Variants in TMEM41B observed in about 807,000 individuals in gnomAD.
TMEM41B encodes the protein transmembrane protein 41B, also known as protein stasimon.
Under a neutral mutation model 31.9 loss-of-function variants are expected in TMEM41B, and 18 were observed. That is an observed-to-expected ratio of 0.56 (90% CI 0.39 to 0.84). TMEM41B has a LOEUF of 0.84. Among genes scored for constraint, TMEM41B ranks in the 40% least tolerant of loss-of-function variants. The probability of loss-of-function intolerance (pLI) is 0.00; values close to 1 mark genes in which losing one functional copy is unlikely to be tolerated. For missense variants in TMEM41B, 322 were observed against 348.0 expected (o/e 0.93, Z 0.59); for synonymous variants, 144 against 124.3 (o/e 1.16, Z -1.05).
At chr11:9,286,333 G>T in intron 6 of TMEM41B, 122 bp downstream of exon 6, 1 of 1,007,882 alleles carries the variant, frequency 9.9e-7, no homozygotes, top group Non-Finnish European at 1.4e-6. Flanking sequence ...CAGGCTTTGT[G>T]CCCAAGAATT....
At position 9,287,820 on chromosome 11, in the gene TMEM41B, G is replaced by T. The variant is rs768327342; in HGVS notation, c.463-14C>A. 1.3e-6 allele frequency: 2 copies of T among 1,573,504 alleles called. No homozygotes were observed. ...AAGTCCAGAACACTGGAAAACAAAA[G>T]AAGCCATAAGCGTTTTGTATTTTTC... On this transcript the variant is annotated splice_polypyrimidine_tract_variant and intron_variant, in intron 4 of 6. Transcript: ENST00000528080.
chr11:9,288,616 T>C (rs1184340427), intron 3 of TMEM41B, 81 bp from the exon 4 acceptor site: 3 of 1,040,570 alleles, frequency 2.9e-6, no homozygotes, highest in Non-Finnish European at 4.1e-6. Context: ...GAAAAAAGTA[T>C]AAATACAAAA....
At position 9,283,536 on chromosome 11, in the gene TMEM41B, G is replaced by A; in HGVS notation, c.764C>T (p.Thr255Ile). Residue 255 changes from threonine (T) to isoleucine (I), a missense_variant, in exon 7 of 7, where the codon ACA becomes ATA. Around this residue, in one of 3 missense-constraint regions of TMEM41B, gnomAD observed 92 missense variants for 88.0 expected, o/e 1.05. Coordinates refer to ENST00000528080, the MANE Select transcript of TMEM41B (RefSeq NM_015012.4). ...IKAGTTLYQLTTAGEAVSWNS... is the reference protein window; with the variant it reads ...IKAGTTLYQLITAGEAVSWNS... ...CCAGGAAACAGCTTCTCCTGCTGTTGTAAGTTGATACAGTGTTGTTCCTGC... is the reference window on the plus strand; with the variant it reads ...CCAGGAAACAGCTTCTCCTGCTGTTATAAGTTGATACAGTGTTGTTCCTGC... 6.2e-7 allele frequency: 1 copy of A among 1,613,476 alleles called. No homozygotes were observed.
intron 4 of TMEM41B, 21 bp from the exon 5 acceptor site, chr11:9,287,827 T>G (rs185975690): frequency 6.4e-7 from 1 of 1,561,326 alleles, no homozygotes; most frequent in Non-Finnish European, 8.8e-7. Context: ...AAAGAAGCCA[T>G]AAGCGTTTTG....
chr11:9,304,007 T>C (rs565818428), intron 1 of TMEM41B, among the ~76,000 whole-genome samples: 7 of 152,180 alleles, frequency 4.6e-5, no homozygotes, highest in Non-Finnish European at 1.0e-4. Context: ...TTATATTTCA[T>C]CTTAATCTCA....
intron 1 of TMEM41B, among the ~76,000 whole-genome samples, chr11:9,309,738 T>C (rs537594155): frequency 1.3e-5 from 2 of 150,940 alleles, no homozygotes; most frequent in Non-Finnish European, 2.9e-5. Context: ...CTGGCTAACA[T>C]GGTGAAACCC....
At chr11:9,310,905 A>G (rs1279855767) in intron 1 of TMEM41B, among the ~76,000 whole-genome samples, 2 of 152,200 alleles carry the variant, frequency 1.3e-5, no homozygotes, top group African/African-American at 4.8e-5. Context: ...ACATTACAAA[A>G]AAGATAGAGG....
chr11:9,308,811 T>A (rs1052716407), intron 1 of TMEM41B, among the ~76,000 whole-genome samples: 7 of 152,190 alleles, frequency 4.6e-5, no homozygotes, highest in African/African-American at 1.7e-4. Flanking sequence ...TGAGGCAATC[T>A]AATCAGTGAA....
chr11:9,288,462 C>A lies in TMEM41B; in HGVS notation c.442G>T (p.Ala148Ser). The part of the protein sequence containing the change: ...LSGFLYPFPL[A>S]LFLVCLCSGL... Reference sequence around the variant, plus strand: ...CTTACCAAACAAACAAGAAATAAGGCTAGTGGAAAGGGATAAAGAAACCCT... The same window carrying A: ...CTTACCAAACAAACAAGAAATAAGGATAGTGGAAAGGGATAAAGAAACCCT... The change falls in exon 4 of 7, where the codon GCC becomes TCC. Residue 148 changes from alanine (A) to serine (S), a missense_variant. By Grantham distance (99) the Ala-to-Ser change is moderately conservative. Transcript: ENST00000528080. 1 of 1,585,800 alleles carries A rather than the reference C, an allele frequency of 6.3e-7. No individual in the cohort carries two copies. The highest frequency in any genetic ancestry group is 8.5e-7 in the Non-Finnish European group (1 of 1,170,446).
chr11:9,283,854 G>C (rs568484874), intron 6 of TMEM41B, among the ~76,000 whole-genome samples: 1 of 150,556 alleles, frequency 6.6e-6, no homozygotes, highest in African/African-American at 2.4e-5. Context: ...GCGCGATCTT[G>C]GCTCACTGCA....
At chr11:9,293,961 T>C (rs1853016859) in intron 3 of TMEM41B, among the ~76,000 whole-genome samples, 1 of 151,890 alleles carries the variant, frequency 6.6e-6, no homozygotes, top group Non-Finnish European at 1.5e-5. Context: ...TCCCAGCACT[T>C]TGGGAGGCTG....
chr11:9,310,655 CTTTTTTTTTTTT>C (rs36061977), intron 1 of TMEM41B, among the ~76,000 whole-genome samples: 2 of 109,164 alleles, frequency 1.8e-5, no homozygotes, highest in East Asian at 2.8e-4. Context: ...GTTAAGAGCC[CTTTTTTTTTTTT>C]TTTTTTTTTT....
intron 1 of TMEM41B, chr11:9,311,198 T>TC: frequency 7.1e-7 from 1 of 1,410,816 alleles, no homozygotes. Flanking sequence ...AGGGCTACTT[T>TC]CCCCCAATAC....
At chr11:9,304,963 G>A (rs1853348419) in intron 1 of TMEM41B, among the ~76,000 whole-genome samples, 1 of 151,554 alleles carries the variant, frequency 6.6e-6, no homozygotes, top group Non-Finnish European at 1.5e-5. Context: ...GCAATTTTTT[G>A]GTTTTGTATT....
At position 9,292,109 on chromosome 11, in the gene TMEM41B, C is replaced by A. The variant is rs12577242; in HGVS notation, c.368+3150G>T. On this transcript the variant is annotated intron_variant, in intron 3 of 6. Coordinates refer to ENST00000528080, the MANE Select transcript of TMEM41B (RefSeq NM_015012.4). ...CTAGTCTGATCAGAATCTAGAAGTCCACACAAAGTATTTGCTCAAAGGATC... is the reference window on the plus strand; with the variant it reads ...CTAGTCTGATCAGAATCTAGAAGTCAACACAAAGTATTTGCTCAAAGGATC... Among the ~76,000 whole-genome samples, 6 of 152,300 alleles carry A rather than the reference C, an allele frequency of 3.9e-5. No individual in the cohort carries two copies. In the East Asian group the frequency reaches 7.7e-4, roughly 20 times the overall value.
intron 1 of TMEM41B, among the ~76,000 whole-genome samples, chr11:9,313,736 T>C (rs1011304755): frequency 6.6e-6 from 1 of 152,192 alleles, no homozygotes; most frequent in Admixed American, 6.5e-5. Context: ...CGTGAATTAT[T>C]TCGTTTAACC....
At chr11:9,288,109 C>T in intron 4 of TMEM41B, 1 of 309,066 alleles carries the variant, frequency 3.2e-6, no homozygotes, top group Non-Finnish European at 5.6e-6. Flanking sequence ...CCCGACCCTA[C>T]CCCCGACCCC....
At chr11:9,311,344 C>A in intron 1 of TMEM41B, 1 of 1,509,372 alleles carries the variant, frequency 6.6e-7, no homozygotes, top group East Asian at 2.4e-5. Context: ...TTTTTATGAG[C>A]TTTCTTCATT....
At chr11:9,285,439 CAT>C (rs1852815862) in intron 6 of TMEM41B, among the ~76,000 whole-genome samples, 1 of 152,004 alleles carries the variant, frequency 6.6e-6, no homozygotes, top group South Asian at 2.1e-4. Flanking sequence ...TTCAAAAAGA[CAT>C]ATTCTCACAA....
Sources: allele counts gnomAD v4.1 joint callset (sites outside exome capture counted in the v4.1 genomes callset), GRCh38; gene constraint gnomAD v4.1.1; regional missense constraint gnomAD v4.1.1; transcripts MANE v1.5; gene names NCBI Gene and HGNC (gene_info 2026-07-23, HGNC 2026-07-21).